The following ELP3 variants were observed in gnomAD, a reference collection of about 807,000 sequenced individuals.
ELP3 encodes elongator complex protein 3.
Under a neutral mutation model 74.9 loss-of-function variants are expected in ELP3, and 56 were observed. The ratio of observed to expected loss-of-function variants is 0.75; its 90% CI spans 0.60 to 0.93. The LOEUF (loss-of-function observed/expected upper bound fraction) is 0.93. Ranked by LOEUF, ELP3 falls within the 40% of genes least tolerant of loss-of-function variation. The pLI is 0.00. For synonymous variants in ELP3, 222 were observed against 239.8 expected (o/e 0.93, Z 0.68); for missense variants, 573 against 686.5 (o/e 0.83, Z 1.85).
At chr8:28,090,478 GGTGGGTGT>G (rs1393270380), upstream of ELP3, 496 of 227,278 alleles carry the variant, frequency 2.2e-3, 11 homozygotes, top group Non-Finnish European at 3.0e-3. Flanking sequence ...TAGTCTGATG[GGTGGGTGT>G]GTGTGTGTGT....
intron 7 of ELP3, among the ~76,000 whole-genome samples, chr8:28,123,942 TC>T (rs1812474895): frequency 6.6e-6 from 1 of 150,810 alleles, no homozygotes; most frequent in Non-Finnish European, 1.5e-5. Flanking sequence ...AGTAATTGGC[TC>T]TTTTTTTTTT....
chr8:28,152,553 C>G (rs1035498675), intron 10 of ELP3, among the ~76,000 whole-genome samples: 17 of 152,292 alleles, frequency 1.1e-4, no homozygotes, highest in African/African-American at 2.9e-4. Context: ...TGCCTGTAAT[C>G]CCAGCACTTT....
At chr8:28,131,016 A>G (rs925303769) in intron 8 of ELP3, among the ~76,000 whole-genome samples, 36 of 152,222 alleles carry the variant, frequency 2.4e-4, no homozygotes, top group Admixed American at 2.2e-3. Flanking sequence ...GCAGCTTAGA[A>G]AGATCGCTTA....
At chr8:28,127,238 A>G (rs528495263) in intron 7 of ELP3, among the ~76,000 whole-genome samples, 1 of 152,296 alleles carries the variant, frequency 6.6e-6, no homozygotes, top group East Asian at 1.9e-4. Flanking sequence ...ACACTCTGCA[A>G]TAGGAAGACT....
chr8:28,171,852 G>C (rs972664019), intron 14 of ELP3, among the ~76,000 whole-genome samples: 4 of 152,116 alleles, frequency 2.6e-5, no homozygotes, highest in African/African-American at 9.6e-5. Flanking sequence ...TAAGGTAAGA[G>C]TCTAATTTAA....
chr8:28,164,963 C>T (rs1204831959), intron 14 of ELP3, among the ~76,000 whole-genome samples: 4 of 152,078 alleles, frequency 2.6e-5, no homozygotes, highest in African/African-American at 9.7e-5. Context: ...ATGAAAATCT[C>T]TTTATGACCG....
Position 28,121,324 on chromosome 8 carries a change from A to AT in ELP3, c.617+8164dup, listed in dbSNP as rs1179833962. ...TTTAAATTTTATTATTATTATTATTATTTTTTTTTTTTTGAATCGGAGTCT... is the reference window on the plus strand; with the variant it reads ...TTTAAATTTTATTATTATTATTATTATTTTTTTTTTTTTTGAATCGGAGTCT... On this transcript the variant is annotated intron_variant, in intron 7 of 14. Coordinates refer to ENST00000256398, the MANE Select transcript of ELP3 (RefSeq NM_018091.6). Among the ~76,000 whole-genome samples, 703 of 137,268 alleles carry AT rather than the reference A, an allele frequency of 5.1e-3. 5 individuals are homozygous for AT. The highest frequency in any genetic ancestry group is 0.014 in the African/African-American group (504 of 37,168). The allele number at this position is 137,268 out of a possible 152,430, so 90.1% of individuals were successfully genotyped here.
At chr8:28,119,380 C>T (rs73575462) in intron 7 of ELP3, among the ~76,000 whole-genome samples, 1,933 of 151,856 alleles carry the variant, frequency 0.013, 46 homozygotes, top group African/African-American at 0.043. Context: ...TCTGTCAGTT[C>T]CACTATCCAT....
At chr8:28,104,511 T>G (rs766328451) in intron 3 of ELP3, among the ~76,000 whole-genome samples, 3 of 152,244 alleles carry the variant, frequency 2.0e-5, no homozygotes, top group Non-Finnish European at 4.4e-5. Context: ...AATCACCTGT[T>G]GCATTTAATT....
At chr8:28,120,974 C>G (rs1484673857) in intron 7 of ELP3, among the ~76,000 whole-genome samples, 2 of 152,154 alleles carry the variant, frequency 1.3e-5, no homozygotes, top group African/African-American at 4.8e-5. Flanking sequence ...TATGAGTCTT[C>G]TAACTTTGTA....
At chr8:28,099,401 G>A (rs1563245271) in intron 2 of ELP3, among the ~76,000 whole-genome samples, 1 of 152,096 alleles carries the variant, frequency 6.6e-6, no homozygotes, top group African/African-American at 2.4e-5. Context: ...CAAGAAGAAG[G>A]CTGGTAGTAC....
At chr8:28,162,110 T>A (rs1322933099) in intron 14 of ELP3, 32 bp downstream of exon 14, 1 of 1,608,080 alleles carries the variant, frequency 6.2e-7, no homozygotes, top group Admixed American at 1.7e-5. Context: ...TCATGATTCC[T>A]TCCCATTTTG....
At position 28,162,024 on chromosome 8, in the gene ELP3, G is replaced by A. The variant is rs1306023478; in HGVS notation, c.1513G>A (p.Ala505Thr). The change falls in exon 14 of 15, where the codon GCA becomes ACA. Residue 505 changes from alanine (A) to threonine (T), a missense_variant. Transcript: ENST00000256398. ...QGFGMLLMEE[A>T]ERIAREEHGS... is the part of the protein sequence containing the mutation. The stretch of plus-strand genomic sequence containing the variant: ...ATTTGGCATGCTGCTGATGGAGGAA[G>A]CAGAAAGAATAGCTAGAGAAGAACA... The A allele has an allele frequency of 1.9e-6, 3 of 1,614,198 alleles. No individual in the cohort carries two copies. The highest frequency in any genetic ancestry group is 1.3e-5 in the African/African-American group (1 of 75,064).
chr8:28,177,954 C>G (rs1814830307), intron 14 of ELP3, among the ~76,000 whole-genome samples: 1 of 152,170 alleles, frequency 6.6e-6, no homozygotes, highest in South Asian at 2.1e-4. Context: ...GAATCACAAC[C>G]CTGGCTCACT....
chr8:28,091,694 C>T (rs1811058431), upstream of ELP3, among the ~76,000 whole-genome samples: 1 of 152,132 alleles, frequency 6.6e-6, no homozygotes, highest in Non-Finnish European at 1.5e-5. Flanking sequence ...AATTTTGTGC[C>T]TGTGTATTTT....
rs767558641 is a variant in ELP3 at position 28,158,601 on chromosome 8, C to T, written c.1225C>T (p.Gln409Ter). ...RDVRTREVGI[Q>*]EIHHKVRPYQ... ...TGTGAGAACCAGAGAAGTTGGAATC[C>T]AAGAAATTCATCACAAAGTACGGCC... Residue 409 changes from glutamine to a stop codon, truncating the protein, a stop_gained, in exon 12 of 15, where the codon CAA becomes TAA. Coordinates refer to ENST00000256398, the MANE Select transcript of ELP3 (RefSeq NM_018091.6). LOFTEE classifies it high-confidence loss of function. The T allele has an allele frequency of 3.1e-6, 5 of 1,612,998 alleles. No homozygotes were observed. Among genetic ancestry groups the T allele is most frequent in the Non-Finnish European group, 4.2e-6 (5 of 1,179,742 alleles).
intron 13 of ELP3, among the ~76,000 whole-genome samples, chr8:28,161,638 G>A (rs1363798969): frequency 6.6e-6 from 1 of 151,252 alleles, no homozygotes; most frequent in Non-Finnish European, 1.5e-5. Context: ...AAGTAGAGAG[G>A]TGACTAAGAA....
At chr8:28,151,192 A>G (rs1813630159) in intron 10 of ELP3, among the ~76,000 whole-genome samples, 1 of 152,174 alleles carries the variant, frequency 6.6e-6, no homozygotes, top group Non-Finnish European at 1.5e-5. Context: ...TCTCAAGCCT[A>G]GAGATTCTTT....
chr8:28,151,290 T>G (rs1293766722), intron 10 of ELP3, among the ~76,000 whole-genome samples: 3 of 111,490 alleles, frequency 2.7e-5, no homozygotes, highest in African/African-American at 1.2e-4. Context: ...CATTTCTTTT[T>G]AGTGTTTCTT....
Sources: allele counts gnomAD v4.1 joint callset (sites outside exome capture counted in the v4.1 genomes callset), GRCh38; gene constraint gnomAD v4.1.1; transcripts MANE v1.5; gene names NCBI Gene and HGNC (gene_info 2026-07-23, HGNC 2026-07-21).